Variants in ST3GAL2 observed in about 807,000 individuals in gnomAD.
ST3GAL2 encodes the protein ST3 beta-galactoside alpha-2,3-sialyltransferase 2.
ST3GAL2 carries 16 observed loss-of-function variants against 37.5 expected under a neutral mutation model. That is an observed-to-expected ratio of 0.43 (90% confidence interval 0.29 to 0.65). ST3GAL2 has a LOEUF of 0.65. ST3GAL2 is among the 30% of genes least tolerant of loss of function. The probability of loss-of-function intolerance (pLI) is 0.17; values close to 1 mark genes in which losing one functional copy is unlikely to be tolerated. For missense variants in ST3GAL2, 383 were observed against 487.8 expected (o/e 0.79, Z 2.02); for synonymous variants, 238 against 202.9 (o/e 1.17, Z -1.47).
chr16:70,401,505 G>A (rs1259706045), intron 1 of ST3GAL2, among the ~76,000 whole-genome samples: 1 of 152,060 alleles, frequency 6.6e-6, no homozygotes, highest in Non-Finnish European at 1.5e-5. Context: ...GAGGGCAAAT[G>A]GAGCCATGGG....
chr16:70,420,340 A>G (rs16970159), intron 1 of ST3GAL2, among the ~76,000 whole-genome samples: 11,727 of 151,384 alleles, frequency 0.077, 1,521 homozygotes, highest in African/African-American at 0.27. Context: ...GCACTCCTAA[A>G]AGGTCCAGTC....
intron 1 of ST3GAL2, among the ~76,000 whole-genome samples, chr16:70,426,137 T>C (rs1453616612): frequency 2.0e-5 from 3 of 149,472 alleles, no homozygotes; most frequent in African/African-American, 7.3e-5. Context: ...GTTAGGATCC[T>C]ACGTTCCATT....
At chr16:70,429,123 A>G (rs1375768394) in intron 1 of ST3GAL2, among the ~76,000 whole-genome samples, 5 of 152,220 alleles carry the variant, frequency 3.3e-5, no homozygotes, top group African/African-American at 1.2e-4. Flanking sequence ...TGAGTTGTCC[A>G]GGGAGATGCC....
rs1343490407 is a variant in ST3GAL2, at chr16:70,435,829, T to TAAAAA, written c.-1004+3115_-1004+3119dup. On this transcript the variant is annotated intron_variant, in intron 1 of 6. Transcript: ENST00000342907. ...TAAAATAAAATAAAATAAAATAAAA[T>TAAAAA]AAAAAAGACTACATCTAGCTGGGCG... 8.8e-4 allele frequency among the ~76,000 whole-genome samples: 132 copies of TAAAAA among 150,598 alleles called. 1 individual carries two copies. Among genetic ancestry groups the TAAAAA allele is most frequent in the South Asian group, 4.6e-3 (22 of 4,804 alleles).
chr16:70,384,923 C>T (rs1429924530), intron 4 of ST3GAL2, among the ~76,000 whole-genome samples: 2 of 151,990 alleles, frequency 1.3e-5, no homozygotes, highest in Non-Finnish European at 1.5e-5. Context: ...GCACGAGAAT[C>T]GCTTGAACCC....
At chr16:70,382,005 T>C in intron 6 of ST3GAL2, 143 bp from the exon 7 acceptor site, 1 of 920,222 alleles carries the variant, frequency 1.1e-6, no homozygotes, top group Non-Finnish European at 1.6e-6. Context: ...GGACATGGAC[T>C]CACATGGGGA....
In ST3GAL2 at chr16:70,381,483, A is replaced by G. The variant is rs991904815; in HGVS notation, c.*206T>C. ...GCGCCGGAAGTTTTCCTTGAGTCAC[A>G]TGATTGGCTGGGAGAAACAGAAGCT... On this transcript the variant is annotated 3_prime_UTR_variant, in exon 7 of 7. Coordinates refer to ENST00000342907, the MANE Select transcript of ST3GAL2 (RefSeq NM_006927.4). 13 of 625,644 alleles carry G rather than the reference A, an allele frequency of 2.1e-5. No homozygotes were observed. In the Admixed American group the frequency reaches 3.9e-4, roughly 19 times the overall value. The allele number at this position is 625,644 out of a possible 1,614,324, so 38.8% of individuals were successfully genotyped here. A position where few individuals can be genotyped will look rare whatever the true frequency, so the allele number is the denominator to read the frequency against.
intron 4 of ST3GAL2, among the ~76,000 whole-genome samples, chr16:70,386,582 C>T (rs572269168): frequency 6.6e-6 from 1 of 152,172 alleles, no homozygotes; most frequent in South Asian, 2.1e-4. Flanking sequence ...TCATGATCGC[C>T]CACATCGGCC....
At chr16:70,386,119 C>T (rs186528736) in intron 4 of ST3GAL2, among the ~76,000 whole-genome samples, 1 of 152,202 alleles carries the variant, frequency 6.6e-6, no homozygotes, top group East Asian at 1.9e-4. Context: ...CTCCCAGGTT[C>T]GAGCGATTCT....
intron 1 of ST3GAL2, among the ~76,000 whole-genome samples, chr16:70,406,557 G>A (rs923988743): frequency 2.7e-5 from 4 of 150,790 alleles, no homozygotes; most frequent in East Asian, 2.0e-4. Context: ...CGAGGGTGGC[G>A]GATCTCCTGA....
chr16:70,384,428 C>G (rs1354902757), intron 4 of ST3GAL2, among the ~76,000 whole-genome samples: 1 of 152,104 alleles, frequency 6.6e-6, no homozygotes, highest in Admixed American at 6.6e-5. Context: ...AAATCAGGGC[C>G]GGGTGCGGTG....
chr16:70,398,670 G>C lies in ST3GAL2; in HGVS notation c.-140C>G, dbSNP rs2151664011. ...GTGCTGCAGCAGGGGACAGTGGCAGGGGTCCCTTGCCACGCCCTCCCTCAT... is the reference window on the plus strand; with the variant it reads ...GTGCTGCAGCAGGGGACAGTGGCAGCGGTCCCTTGCCACGCCCTCCCTCAT... On this transcript the variant is annotated 5_prime_UTR_variant, in exon 2 of 7. Transcript: ENST00000342907. 1.2e-6 allele frequency: 1 copy of C among 800,056 alleles called. No homozygotes were observed. The highest frequency in any genetic ancestry group is 2.7e-5 in the East Asian group (1 of 37,156). 49.6% of individuals were successfully genotyped at this position (800,056 alleles called of 1,614,324 possible). A position where few individuals can be genotyped will look rare whatever the true frequency, so the allele number is the denominator to read the frequency against.
At chr16:70,412,096 T>C (rs751021619) in intron 1 of ST3GAL2, among the ~76,000 whole-genome samples, 2 of 152,222 alleles carry the variant, frequency 1.3e-5, no homozygotes, top group African/African-American at 4.8e-5. Flanking sequence ...GGGGTTTACT[T>C]TTCTTCTTAC....
At chr16:70,434,344 TGA>T (rs755379103) in intron 1 of ST3GAL2, among the ~76,000 whole-genome samples, 84 of 151,462 alleles carry the variant, frequency 5.5e-4, no homozygotes, top group Non-Finnish European at 1.1e-3. Flanking sequence ...GGCTGAGGCA[TGA>T]GAGTCGCTTG....
intron 6 of ST3GAL2, among the ~76,000 whole-genome samples, chr16:70,382,071 T>A (rs899700911): frequency 1.0e-4 from 15 of 143,034 alleles, no homozygotes; most frequent in African/African-American, 2.3e-4. Context: ...TTTTTTTTTT[T>A]AATGGAGTAC....
rs537472413 is a variant in ST3GAL2 at position 70,435,636 on chromosome 16, A to G, written c.-1004+3313T>C. Among the ~76,000 whole-genome samples, 403 of 151,752 alleles carry G rather than the reference A, an allele frequency of 2.7e-3. 1 individual carries two copies. The highest frequency in any genetic ancestry group is 9.4e-3 in the African/African-American group (389 of 41,424). ...AAAAAATAAAATAAATTTTAAAAAA[A>G]TACAAAAATTAGCCGGGCATGGTGG... On this transcript the variant is annotated intron_variant, in intron 1 of 6. Coordinates refer to ENST00000342907, the MANE Select transcript of ST3GAL2 (RefSeq NM_006927.4).
chr16:70,389,616 C>T (rs960874875), intron 3 of ST3GAL2, among the ~76,000 whole-genome samples: 1 of 152,032 alleles, frequency 6.6e-6, no homozygotes, highest in Non-Finnish European at 1.5e-5. Context: ...AGGCGTTAGC[C>T]GCTACGTCCA....
chr16:70,416,824 G>A lies in ST3GAL2; in HGVS notation c.-1003-17291C>T, dbSNP rs543654189. Among the ~76,000 whole-genome samples the A allele has an allele frequency of 2.0e-5, 3 of 152,150 alleles. No individual in the cohort carries two copies. In the East Asian group the frequency reaches 5.8e-4, roughly 29 times the overall value. ...GGGTGTGCGTGTAAAGCTGAAGCAG[G>A]TGCCTGGACGACGGCAGGGACAGTG... On this transcript the variant is annotated intron_variant, in intron 1 of 6. Transcript: ENST00000342907.
chr16:70,400,963 C>T (rs995297673), intron 1 of ST3GAL2: 1 of 152,340 alleles, frequency 6.6e-6, no homozygotes, highest in Non-Finnish European at 1.5e-5. Flanking sequence ...CTAGGCATGG[C>T]CTTGGCTGAA....
Sources: allele counts gnomAD v4.1 joint callset (sites outside exome capture counted in the v4.1 genomes callset), GRCh38; gene constraint gnomAD v4.1.1; transcripts MANE v1.5; gene names NCBI Gene and HGNC (gene_info 2026-07-23, HGNC 2026-07-21).